The following ETV6 variants were observed in gnomAD, a reference collection of about 807,000 sequenced individuals.
The protein encoded by ETV6 is transcription factor ETV6.
A neutral mutation model predicts 51.1 loss-of-function variants in ETV6; 16 were observed. The observed-to-expected ratio is 0.31, with a 90% CI of 0.21 to 0.48. ETV6 has a LOEUF of 0.48. ETV6 is among the 20% of genes least tolerant of loss of function. ETV6 has a pLI of 0.99. For synonymous variants in ETV6, 240 were observed against 224.1 expected, an observed-to-expected ratio of 1.07 and a Z score of -0.64; for missense variants, 458 against 594.8, an observed-to-expected ratio of 0.77 and a Z score of 2.39.
At chr12:11,751,714 C>T (rs1866032110) in intron 1 of ETV6, 1 of 381,020 alleles carries the variant, frequency 2.6e-6, no homozygotes, top group Admixed American at 3.2e-5. Flanking sequence ...AACAGTACTT[C>T]TTTTAAATTC....
At chr12:11,768,089 G>A (rs921618245) in intron 2 of ETV6, among the ~76,000 whole-genome samples, 8 of 151,516 alleles carry the variant, frequency 5.3e-5, no homozygotes, top group African/African-American at 1.9e-4. Flanking sequence ...GGCTTCCATG[G>A]TACAGTCCCA....
intron 2 of ETV6, among the ~76,000 whole-genome samples, chr12:11,808,632 C>G (rs1202925961): frequency 6.6e-6 from 1 of 152,078 alleles, no homozygotes. Flanking sequence ...TTTGAGCATC[C>G]TTGGATTTTG....
chr12:11,860,370 C>T (rs992361177), intron 4 of ETV6, among the ~76,000 whole-genome samples: 3 of 152,132 alleles, frequency 2.0e-5, no homozygotes, highest in African/African-American at 4.8e-5. Flanking sequence ...CACGTATATG[C>T]GTGCACTCTA....
chr12:11,778,064 C>T (rs957763019), intron 2 of ETV6, among the ~76,000 whole-genome samples: 2 of 152,110 alleles, frequency 1.3e-5, no homozygotes, highest in African/African-American at 4.8e-5. Context: ...TGGAACTTCT[C>T]TGTTCTCAGA....
intron 1 of ETV6, among the ~76,000 whole-genome samples, chr12:11,686,615 C>A (rs910923469): frequency 6.6e-6 from 1 of 152,142 alleles, no homozygotes; most frequent in South Asian, 2.1e-4. Context: ...GCAACCTCTG[C>A]CTCCCAGGTT....
At chr12:11,807,430 T>C (rs907651117) in intron 2 of ETV6, among the ~76,000 whole-genome samples, 2 of 152,174 alleles carry the variant, frequency 1.3e-5, no homozygotes, top group African/African-American at 4.8e-5. Flanking sequence ...ACATGCACGG[T>C]CAGAAAACGG....
At chr12:11,830,838 C>A (rs1296931041) in intron 2 of ETV6, among the ~76,000 whole-genome samples, 1 of 152,166 alleles carries the variant, frequency 6.6e-6, no homozygotes, top group African/African-American at 2.4e-5. Context: ...AGGAGCATTG[C>A]TAATTTGCAC....
chr12:11,680,110 G>A (rs1405889426), intron 1 of ETV6, among the ~76,000 whole-genome samples: 1 of 152,162 alleles, frequency 6.6e-6, no homozygotes, highest in African/African-American at 2.4e-5. Flanking sequence ...ATACTGAAAG[G>A]ATGCAGGTAG....
intron 1 of ETV6, among the ~76,000 whole-genome samples, chr12:11,705,596 A>G (rs1161485192): frequency 6.6e-6 from 1 of 152,250 alleles, no homozygotes; most frequent in African/African-American, 2.4e-5. Flanking sequence ...AGGATATAAT[A>G]TCCCAGACCT....
intron 4 of ETV6, among the ~76,000 whole-genome samples, chr12:11,854,184 G>A (rs1036419040): frequency 3.3e-5 from 5 of 151,940 alleles, no homozygotes; most frequent in Admixed American, 6.6e-5. Context: ...ACTAGATCCC[G>A]CGCATGCACA....
intron 2 of ETV6, among the ~76,000 whole-genome samples, chr12:11,787,577 T>C (rs1423982252): frequency 1.3e-5 from 2 of 152,118 alleles, no homozygotes; most frequent in African/African-American, 4.8e-5. Flanking sequence ...GATTTCTGGG[T>C]GTGAAAAGGC....
At chr12:11,832,299 A>G (rs756237911) in intron 2 of ETV6, among the ~76,000 whole-genome samples, 1 of 152,250 alleles carries the variant, frequency 6.6e-6, no homozygotes, top group African/African-American at 2.4e-5. Context: ...CAGGTAGTGC[A>G]AACATTGACA....
intron 2 of ETV6, among the ~76,000 whole-genome samples, chr12:11,790,148 T>C (rs1443920887): frequency 2.0e-5 from 3 of 152,186 alleles, no homozygotes; most frequent in Non-Finnish European, 2.9e-5. Flanking sequence ...AAGTACTTTT[T>C]TTGTTCGACT....
At position 11,748,337 on chromosome 12, in the gene ETV6, A is replaced by T. The variant is rs376819619; in HGVS notation, c.34-4113A>T. Among the ~76,000 whole-genome samples the T allele has an allele frequency of 2.3e-3, 355 of 152,390 alleles. 4 individuals carry two copies. Among genetic ancestry groups the T allele is most frequent in the African/African-American group, 8.2e-3 (341 of 41,590 alleles). On this transcript the variant is annotated intron_variant, in intron 1 of 7. Coordinates refer to ENST00000396373, the MANE Select transcript of ETV6 (RefSeq NM_001987.5). ...GGGACAATTTCCAGGAAAAGTTTCTATATCAAGGACATCTCAGTTCTGCAG... is the reference window on the plus strand; with the variant it reads ...GGGACAATTTCCAGGAAAAGTTTCTTTATCAAGGACATCTCAGTTCTGCAG...
At chr12:11,709,894 C>G (rs1865140977) in intron 1 of ETV6, among the ~76,000 whole-genome samples, 1 of 148,906 alleles carries the variant, frequency 6.7e-6, no homozygotes, top group Admixed American at 6.7e-5. Flanking sequence ...AGCACATAAG[C>G]CAGTTCCTTA....
intron 2 of ETV6, among the ~76,000 whole-genome samples, chr12:11,805,964 G>A (rs547106018): frequency 1.3e-5 from 2 of 152,280 alleles, no homozygotes; most frequent in African/African-American, 4.8e-5. Context: ...TGTCATATTT[G>A]TTTGCTCAAC....
At chr12:11,824,861 C>G (rs569926931) in intron 2 of ETV6, among the ~76,000 whole-genome samples, 1 of 152,310 alleles carries the variant, frequency 6.6e-6, no homozygotes, top group South Asian at 2.1e-4. Flanking sequence ...TTTCAGAAAG[C>G]CAGCTGCCAT....
chr12:11,771,497 A>G (rs1945240895), intron 2 of ETV6, among the ~76,000 whole-genome samples: 1 of 152,204 alleles, frequency 6.6e-6, no homozygotes, highest in African/African-American at 2.4e-5. Context: ...GGGAGTCAGA[A>G]TGAGATACTT....
At chr12:11,654,979 T>C (rs1169349520) in intron 1 of ETV6, among the ~76,000 whole-genome samples, 1 of 152,122 alleles carries the variant, frequency 6.6e-6, no homozygotes, top group East Asian at 1.9e-4. Flanking sequence ...GGGCAAAAAA[T>C]ACCCCAGATG....
Sources: gnomAD v4.1 joint callset for allele counts (sites outside exome capture counted in the v4.1 genomes callset) on GRCh38, gnomAD v4.1.1 for gene constraint, MANE v1.5 for transcripts, NCBI Gene and HGNC (gene_info 2026-07-23, HGNC 2026-07-21) for gene names.